TRIP12: variants seen among roughly 807,000 people sequenced by gnomAD.
TRIP12 encodes the protein thyroid hormone receptor interactor 12, also known as E3 ubiquitin-protein ligase TRIP12.
Under a neutral mutation model 244.2 loss-of-function variants are expected in TRIP12, and 25 were observed. The ratio of observed to expected loss-of-function variants is 0.10; its 90% CI spans 0.07 to 0.14. TRIP12 has a LOEUF of 0.14. Among genes scored for constraint, TRIP12 ranks in the 10% least tolerant of loss-of-function variants. The pLI, the probability that TRIP12 is intolerant of heterozygous loss-of-function variation, is 1.00. For missense variants in TRIP12, 1,677 were observed against 2,486.4 expected (o/e 0.67, Z 6.92); for synonymous variants, 905 against 873.1 (o/e 1.04, Z -0.64).
chr2:229,859,290 G>C lies in TRIP12; in HGVS notation c.509C>G (p.Pro170Arg). ...QEQQLKSAQSPSTSKAHTRKS... is the reference protein window; with the variant it reads ...QEQQLKSAQSRSTSKAHTRKS... ...CCTGGTATGAGCCTTGCTTGTTGAT[G>C]GTGATTGTGCAGATTTCAGTTGTTG... The change falls in exon 4 of 42, where the codon CCA (proline) becomes CGA (arginine). Residue 170 changes from proline (P) to arginine (R), a missense_variant. Transcript: ENST00000675903. 1 of 1,614,156 alleles carries C rather than the reference G, an allele frequency of 6.2e-7. No homozygotes were observed. Among genetic ancestry groups the C allele is most frequent in the Non-Finnish European group, 8.5e-7 (1 of 1,180,030 alleles).
At chr2:229,909,812 C>T (rs2073917190) in intron 1 of TRIP12, among the ~76,000 whole-genome samples, 1 of 152,078 alleles carries the variant, frequency 6.6e-6, no homozygotes, top group South Asian at 2.1e-4. Flanking sequence ...CATGATTGTA[C>T]CACTATGCTC....
At chr2:229,814,086 ATAATT>A (rs2047915115) in intron 12 of TRIP12, 55 bp from the exon 13 acceptor site, 3 of 1,525,042 alleles carry the variant, frequency 2.0e-6, no homozygotes, top group African/African-American at 1.4e-5. Context: ...GCAATAAAAA[ATAATT>A]TAACTCATAA....
intron 10 of TRIP12, 38 bp downstream of exon 10, chr2:229,815,235 T>A (rs1272049085): frequency 2.6e-6 from 4 of 1,562,038 alleles, no homozygotes; most frequent in Middle Eastern, 1.7e-4. Flanking sequence ...ACTCAAAACT[T>A]AAATATACAC....
At chr2:229,811,661 A>G (rs1230337348) in intron 13 of TRIP12, among the ~76,000 whole-genome samples, 1 of 152,236 alleles carries the variant, frequency 6.6e-6, no homozygotes, top group Admixed American at 6.5e-5. Flanking sequence ...AATATTCACT[A>G]TAAAAACAAA....
chr2:229,867,171 G>GTTTTTT lies in TRIP12; in HGVS notation c.99-6646_99-6641dup, dbSNP rs11335613. On this transcript the variant is annotated intron_variant, in intron 2 of 41. Transcript: ENST00000675903. ...AAGGTTTTTTTTTGTTTGTTTGTTT[G>GTTTTTT]TTTTTTTTTTTTGAGACAGATACTC... Among the ~76,000 whole-genome samples, 471 of 123,532 alleles carry GTTTTTT rather than the reference G, an allele frequency of 3.8e-3. 10 individuals carry two copies. The highest frequency in any genetic ancestry group is 5.8e-3 in the Non-Finnish European group (353 of 60,654). 81.0% of individuals were successfully genotyped at this position (123,532 alleles called of 152,430 possible). A position where few individuals can be genotyped will look rare whatever the true frequency, so the allele number is the denominator to read the frequency against.
At chr2:229,797,466 AAG>A (rs931818818) in intron 24 of TRIP12, among the ~76,000 whole-genome samples, 7 of 152,186 alleles carry the variant, frequency 4.6e-5, no homozygotes, top group African/African-American at 1.7e-4. Flanking sequence ...ATGTGAAGGA[AAG>A]AAAGTCAAAG....
intron 38 of TRIP12, among the ~76,000 whole-genome samples, chr2:229,772,527 G>T (rs988543783): frequency 6.6e-6 from 1 of 152,134 alleles, no homozygotes; most frequent in Non-Finnish European, 1.5e-5. Flanking sequence ...GCAGTGGCAT[G>T]ATCCTGACTC....
chr2:229,864,047 A>AGAGAGAGAGAGAGAGTGAGT, intron 2 of TRIP12, among the ~76,000 whole-genome samples: 14 of 79,306 alleles, frequency 1.8e-4, no homozygotes, highest in South Asian at 5.1e-4. Context: ...AGAGAGAGAG[A>AGAGAGAGAGAGAGAGTGAGT]GTGTGTGTGT....
chr2:229,909,774 T>C (rs1303685125), intron 1 of TRIP12, among the ~76,000 whole-genome samples: 1 of 151,894 alleles, frequency 6.6e-6, no homozygotes, highest in Non-Finnish European at 1.5e-5. Flanking sequence ...GATCACAAGA[T>C]CCAAGGGCTT....
Position 229,795,273 on chromosome 2 carries a change from C to T in TRIP12, c.3874G>A (p.Ala1292Thr), listed in dbSNP as rs2042531757. The change falls in exon 26 of 42, where the codon GCA (alanine) becomes ACA (threonine). Residue 1292 changes from alanine to threonine, a missense_variant. Coordinates refer to ENST00000675903, the MANE Select transcript of TRIP12 (RefSeq NM_001348323.3). ...CAGTTGTTCATCTTGTGAACTAATGCCAACAAAGGTGCATTACCCACTGGT... is the reference window on the plus strand; with the variant it reads ...CAGTTGTTCATCTTGTGAACTAATGTCAACAAAGGTGCATTACCCACTGGT... ...VEPVGNAPLL[A>T]LVHKMNNCLS... 1.9e-6 allele frequency: 3 copies of T among 1,613,842 alleles called. No homozygotes were observed. The highest frequency in any genetic ancestry group is 1.1e-5 in the South Asian group (1 of 91,054).
chr2:229,819,031 AAAT>A (rs2049214138), intron 8 of TRIP12, among the ~76,000 whole-genome samples: 2 of 143,606 alleles, frequency 1.4e-5, no homozygotes, highest in Non-Finnish European at 3.0e-5. Context: ...TATTCTGTAA[AAAT>A]AAAAACCACA....
chr2:229,846,132 A>G (rs1329899195), intron 4 of TRIP12, among the ~76,000 whole-genome samples: 1 of 152,150 alleles, frequency 6.6e-6, no homozygotes, highest in Non-Finnish European at 1.5e-5. Flanking sequence ...AAATATACAT[A>G]AACTTAGTGA....
chr2:229,859,517 G>C lies in TRIP12; in HGVS notation c.282C>G (p.Ala94=). Residue 94 remains alanine, a synonymous_variant, in exon 4 of 42, where the codon GCC becomes GCG. Transcript: ENST00000675903. ...IVPQPEDPDR[A]NTSERQKTGQ... Reference sequence around the variant, plus strand: ...CCGTTTTTTGTCTTTCTGAAGTATTGGCTCTGTCTGGATCCTCTGGTTGTG... The same window carrying C: ...CCGTTTTTTGTCTTTCTGAAGTATTCGCTCTGTCTGGATCCTCTGGTTGTG... 1 of 1,614,016 alleles carries C rather than the reference G, an allele frequency of 6.2e-7. No homozygotes were observed. Among genetic ancestry groups the C allele is most frequent in the Non-Finnish European group, 8.5e-7 (1 of 1,180,022 alleles).
chr2:229,803,984 T>G lies in TRIP12; in HGVS notation c.2879+15A>C, dbSNP rs1309386807. On this transcript the variant is annotated intron_variant, in intron 19 of 41. Transcript: ENST00000675903. ...TTGTATTTGTAAAATGTTTCTACTA[T>G]TTTCATTAACACACCTTGAAACAGC... 1 of 1,590,316 alleles carries G rather than the reference T, an allele frequency of 6.3e-7. No individual in the cohort carries two copies. The highest frequency in any genetic ancestry group is 8.6e-7 in the Non-Finnish European group (1 of 1,167,962).
chr2:229,787,784 T>A, intron 32 of TRIP12, 123 bp from the exon 33 acceptor site: 1 of 972,132 alleles, frequency 1.0e-6, no homozygotes, highest in Non-Finnish European at 1.5e-6. Context: ...ATAAAATCAG[T>A]AAAAATTGTT....
rs1352270026 is a variant in TRIP12 at position 229,778,384 on chromosome 2, C to T, written c.5364+49G>A. ...ACTACAGGGGACTGAGGTACTTGCACAGAACATTCTACACCAAAACTGCAA... is the reference window on the plus strand; with the variant it reads ...ACTACAGGGGACTGAGGTACTTGCATAGAACATTCTACACCAAAACTGCAA... On this transcript the variant is annotated intron_variant, in intron 36 of 41. Coordinates refer to ENST00000675903, the MANE Select transcript of TRIP12 (RefSeq NM_001348323.3). The surrounding 1 kb of genome is among the most constrained non-coding windows in gnomAD (Gnocchi z 4.1). The T allele has an allele frequency of 1.9e-6, 3 of 1,608,180 alleles. No individual in the cohort carries two copies. Among genetic ancestry groups the T allele is most frequent in the African/African-American group, 1.3e-5 (1 of 74,780 alleles).
chr2:229,783,332 C>A (rs13424422), intron 34 of TRIP12, among the ~76,000 whole-genome samples: 2,539 of 152,240 alleles, frequency 0.017, 70 homozygotes, highest in African/African-American at 0.058. Context: ...GTGATGGAGA[C>A]CATGTGACCC....
chr2:229,854,572 G>GA (rs1178761934), intron 4 of TRIP12, among the ~76,000 whole-genome samples: 2 of 152,038 alleles, frequency 1.3e-5, no homozygotes, highest in Admixed American at 6.5e-5. Context: ...GTTACCAACT[G>GA]AAAAAATGGC....
At chr2:229,773,993 T>C (rs1263916404) in intron 38 of TRIP12, 104 bp downstream of exon 38, 1 of 1,221,944 alleles carries the variant, frequency 8.2e-7, no homozygotes, top group East Asian at 2.4e-5. Flanking sequence ...CCTGGGGATG[T>C]GGAAGGTCTC....
Sources: gnomAD v4.1 joint callset for allele counts (sites outside exome capture counted in the v4.1 genomes callset) on GRCh38, gnomAD v4.1.1 for gene constraint, Gnocchi (gnomAD v3.1) non-coding constraint, MANE v1.5 for transcripts, NCBI Gene and HGNC (gene_info 2026-07-23, HGNC 2026-07-21) for gene names.